FMN2: variants seen among roughly 807,000 people sequenced by gnomAD.
FMN2 encodes the protein formin-2.
FMN2 carries 51 observed loss-of-function variants against 142.3 expected under a neutral mutation model. The observed-to-expected ratio is 0.36, with a 90% CI of 0.29 to 0.45. The LOEUF is 0.45. FMN2 is among the 20% of genes least tolerant of loss of function. The pLI is 1.00. For missense variants in FMN2, 1,936 were observed against 2,122.8 expected (o/e 0.91, Z 1.73); for synonymous variants, 882 against 869.8 (o/e 1.01, Z -0.25).
intron 8 of FMN2, among the ~76,000 whole-genome samples, chr1:240,303,429 A>G (rs938879032): frequency 6.6e-6 from 1 of 152,186 alleles, no homozygotes; most frequent in Admixed American, 6.5e-5. Flanking sequence ...TTTACTGGAT[A>G]TAGAATTATT....
At chr1:240,468,245 C>CATATAT (rs1427749191) in intron 16 of FMN2, among the ~76,000 whole-genome samples, 7 of 144,232 alleles carry the variant, frequency 4.9e-5, no homozygotes, top group African/African-American at 1.3e-4. Flanking sequence ...TTCACACACA[C>CATATAT]ACATATATAC....
chr1:240,180,520 C>A (rs1665103784), intron 3 of FMN2, among the ~76,000 whole-genome samples: 1 of 146,718 alleles, frequency 6.8e-6, no homozygotes, highest in Non-Finnish European at 1.5e-5. Flanking sequence ...GCACATTCTT[C>A]TGTAGTGACA....
intron 3 of FMN2, 33 bp downstream of exon 3, chr1:240,178,101 G>A (rs772218723): frequency 1.3e-6 from 2 of 1,533,122 alleles, no homozygotes; most frequent in Non-Finnish European, 1.7e-6. Flanking sequence ...GAGATAACTG[G>A]AAGAGGCAAG....
At chr1:240,386,277 A>G (rs2103088630) in intron 14 of FMN2, among the ~76,000 whole-genome samples, 1 of 152,354 alleles carries the variant, frequency 6.6e-6, no homozygotes, top group African/African-American at 2.4e-5. Flanking sequence ...CTGTCTAAAA[A>G]ATATCCCATA....
chr1:240,178,126 G>A (rs905293785), intron 3 of FMN2, 58 bp downstream of exon 3: 6 of 1,385,480 alleles, frequency 4.3e-6, no homozygotes, highest in Non-Finnish European at 5.6e-6. Context: ...AGAGAGAGAA[G>A]TTTTATTAAA....
chr1:240,222,897 G>A (rs1450791927), intron 6 of FMN2, among the ~76,000 whole-genome samples: 1 of 152,204 alleles, frequency 6.6e-6, no homozygotes, highest in African/African-American at 2.4e-5. Flanking sequence ...TTGGGGCTGA[G>A]ACGATGGGAT....
chr1:240,392,788 A>G (rs1673648237), intron 15 of FMN2, among the ~76,000 whole-genome samples: 1 of 152,210 alleles, frequency 6.6e-6, no homozygotes, highest in Non-Finnish European at 1.5e-5. Context: ...ATAGCTTAGC[A>G]TCTTCTCTTT....
At chr1:240,177,764 T>C in intron 2 of FMN2, 157 bp from the exon 3 acceptor site, 1 of 531,850 alleles carries the variant, frequency 1.9e-6, no homozygotes, top group Middle Eastern at 5.6e-4. Context: ...ATCTTAGGAA[T>C]CTACACTGAA....
chr1:240,245,349 G>C (rs753298341), intron 6 of FMN2: 13 of 379,592 alleles, frequency 3.4e-5, no homozygotes, highest in Non-Finnish European at 6.8e-5. Context: ...CAGTCTACCC[G>C]TACTCTCTGG....
At chr1:240,349,987 A>G (rs1363362255) in intron 13 of FMN2, among the ~76,000 whole-genome samples, 1 of 151,946 alleles carries the variant, frequency 6.6e-6, no homozygotes, top group Non-Finnish European at 1.5e-5. Context: ...TCACATACCA[A>G]TTTTGAGGAT....
chr1:240,426,645 C>T (rs1674943608), intron 15 of FMN2, among the ~76,000 whole-genome samples: 1 of 152,134 alleles, frequency 6.6e-6, no homozygotes, highest in African/African-American at 2.4e-5. Flanking sequence ...ACCCGCTTGC[C>T]TCCTCCCATA....
intron 8 of FMN2, among the ~76,000 whole-genome samples, chr1:240,322,817 T>A (rs1219279491): frequency 9.9e-5 from 15 of 152,180 alleles, no homozygotes; most frequent in Admixed American, 9.8e-4. Context: ...AGCTGAACTG[T>A]GGTCCCCTTG....
Position 240,344,127 on chromosome 1 carries a change from G to A in FMN2, c.4765+9898G>A, listed in dbSNP as rs1282904250. Among the ~76,000 whole-genome samples, 9 of 152,316 alleles carry A rather than the reference G, an allele frequency of 5.9e-5. No homozygotes were observed. The East Asian group carries it at 1.7e-3, about 29-fold the overall frequency. ...AATGGAGTGACATGATTTATGTCTTGAAAGTACTGCTCTGGCAAGAGGAGA... is the reference window on the plus strand; with the variant it reads ...AATGGAGTGACATGATTTATGTCTTAAAAGTACTGCTCTGGCAAGAGGAGA... On this transcript the variant is annotated intron_variant, in intron 13 of 17. Transcript: ENST00000319653.
At chr1:240,168,754 A>G (rs1482531629) in intron 2 of FMN2, among the ~76,000 whole-genome samples, 1 of 152,228 alleles carries the variant, frequency 6.6e-6, no homozygotes, top group Non-Finnish European at 1.5e-5. Context: ...AGAAAAAACA[A>G]TACTGAAGTG....
intron 16 of FMN2, chr1:240,458,254 GT>G (rs1191483778): frequency 6.6e-6 from 1 of 152,132 alleles, no homozygotes; most frequent in African/African-American, 2.4e-5. Flanking sequence ...CTTAATATGT[GT>G]GTTTCGTTGA....
intron 2 of FMN2, among the ~76,000 whole-genome samples, chr1:240,150,754 A>AT (rs1340461351): frequency 1.3e-5 from 2 of 152,114 alleles, no homozygotes; most frequent in African/African-American, 4.8e-5. Context: ...TGTTAGGTGT[A>AT]TTTTTTATAA....
At chr1:240,184,351 G>C (rs113356459) in intron 3 of FMN2, among the ~76,000 whole-genome samples, 77 of 141,150 alleles carry the variant, frequency 5.5e-4, no homozygotes, top group South Asian at 5.1e-3. Context: ...ATTCTCCTGC[G>C]TCAGCCTCCC....
At chr1:240,424,672 G>T (rs1674878550) in intron 15 of FMN2, among the ~76,000 whole-genome samples, 1 of 152,158 alleles carries the variant, frequency 6.6e-6, no homozygotes, top group South Asian at 2.1e-4. Context: ...TCCCCATAAG[G>T]ATGCTCACAG....
At chr1:240,135,988 T>C (rs977670688) in intron 2 of FMN2, among the ~76,000 whole-genome samples, 11 of 151,980 alleles carry the variant, frequency 7.2e-5, no homozygotes, top group African/African-American at 2.7e-4. Context: ...CATGTTTTTT[T>C]TTTTTTAATC....
Sources: gnomAD v4.1 joint callset for allele counts (sites outside exome capture counted in the v4.1 genomes callset) on GRCh38, gnomAD v4.1.1 for gene constraint, MANE v1.5 for transcripts, NCBI Gene and HGNC (gene_info 2026-07-23, HGNC 2026-07-21) for gene names.